IL23R: variants seen among roughly 807,000 people sequenced by gnomAD.
The protein encoded by IL23R is interleukin 23 receptor.
A neutral mutation model predicts 56.9 loss-of-function variants in IL23R; 34 were observed. The observed-to-expected ratio is 0.60, with a 90% CI of 0.45 to 0.80. The LOEUF (loss-of-function observed/expected upper bound fraction) is 0.80, where lower values mean the gene tolerates loss of function less well. Among genes scored for constraint, IL23R ranks in the 30% least tolerant of loss-of-function variants. The pLI is 0.00. For missense variants in IL23R, 635 were observed against 730.0 expected (o/e 0.87, Z 1.50); for synonymous variants, 230 against 249.2 (o/e 0.92, Z 0.73).
At chr1:67,223,189 G>A (rs556975365) in intron 7 of IL23R, among the ~76,000 whole-genome samples, 1 of 152,268 alleles carries the variant, frequency 6.6e-6, no homozygotes, top group Non-Finnish European at 1.5e-5. Context: ...GAGAGGCGGA[G>A]GTTGCAGTGA....
At chr1:67,196,127 A>G (rs1648129014) in intron 4 of IL23R, 1 of 152,376 alleles carries the variant, frequency 6.6e-6, no homozygotes, top group Admixed American at 6.5e-5. Context: ...TAGATTTAAA[A>G]AATCAGGTTA....
At chr1:67,248,879 C>T (rs1652426045) in intron 9 of IL23R, among the ~76,000 whole-genome samples, 1 of 152,138 alleles carries the variant, frequency 6.6e-6, no homozygotes, top group Non-Finnish European at 1.5e-5. Flanking sequence ...TGTTCCTCCC[C>T]GTACAGTCTG....
chr1:67,259,118 T>G lies in IL23R; in HGVS notation c.1880T>G (p.Leu627Trp). The G allele has an allele frequency of 6.2e-7, 1 of 1,613,852 alleles. No homozygotes were observed. Among genetic ancestry groups the G allele is most frequent in the Non-Finnish European group, 8.5e-7 (1 of 1,179,888 alleles). ...AGCCACTTCAATAGGATTTCACTCT[T>G]GGAAAAGTAGAGCTGTGTGGTCAAA... ...LESHFNRISL[L>W]EK The change falls in exon 11 of 11, where the codon TTG (leucine) becomes TGG (tryptophan). Residue 627 changes from leucine to tryptophan, a missense_variant. Coordinates refer to ENST00000347310, the MANE Select transcript of IL23R (RefSeq NM_144701.3).
chr1:67,195,694 T>G (rs1443564754), intron 4 of IL23R, among the ~76,000 whole-genome samples: 1 of 152,206 alleles, frequency 6.6e-6, no homozygotes, highest in African/African-American at 2.4e-5. Flanking sequence ...CTGAGCTGAA[T>G]AGGAGGAGTT....
the IL23R span, among the ~76,000 whole-genome samples, chr1:67,265,129 A>G: frequency 6.6e-6 from 1 of 152,242 alleles, no homozygotes; most frequent in Non-Finnish European, 1.5e-5. Context: ...TGAGGTACGG[A>G]AGTCAATAAA....
intron 5 of IL23R, among the ~76,000 whole-genome samples, chr1:67,202,042 C>A (rs553437389): frequency 5.9e-5 from 9 of 152,230 alleles, no homozygotes; most frequent in Admixed American, 2.6e-4. Flanking sequence ...TACCCTTGAG[C>A]CTTTTACAAC....
chr1:67,249,075 T>C (rs1321299021), intron 9 of IL23R, among the ~76,000 whole-genome samples: 1 of 152,212 alleles, frequency 6.6e-6, no homozygotes, highest in Non-Finnish European at 1.5e-5. Context: ...CGTTGATCTC[T>C]CTGGGAGCTG....
intron 4 of IL23R, among the ~76,000 whole-genome samples, chr1:67,197,770 C>A (rs574298524): frequency 6.6e-6 from 1 of 152,088 alleles, no homozygotes; most frequent in Admixed American, 6.5e-5. Flanking sequence ...GTGGCAAAAC[C>A]CTGTCTCTAC....
intron 3 of IL23R, among the ~76,000 whole-genome samples, chr1:67,173,682 T>C (rs1017899698): frequency 7.9e-5 from 12 of 152,172 alleles, no homozygotes; most frequent in African/African-American, 2.9e-4. Flanking sequence ...AAAAGGATAT[T>C]AGACCTTCGA....
At chr1:67,144,695 A>G (rs1646665003) in intron 1 of IL23R, among the ~76,000 whole-genome samples, 1 of 152,278 alleles carries the variant, frequency 6.6e-6, no homozygotes, top group African/African-American at 2.4e-5. Context: ...GGTTGTAACT[A>G]TGTGGGCTCT....
Position 67,141,022 on chromosome 1 carries a change from C to G in IL23R, c.-634+1861C>G, listed in dbSNP as rs139232143. Among the ~76,000 whole-genome samples, 683 of 152,124 alleles carry G rather than the reference C, an allele frequency of 4.5e-3. 3 individuals carry two copies. The highest frequency in any genetic ancestry group is 0.015 in the African/African-American group (640 of 41,482). On this transcript the variant is annotated intron_variant, in intron 1 of 10. Coordinates refer to the IL23R transcript ENST00000637002. ...TAGATTTTCTTGTCAAAATTTTTGT[C>G]TAGCCATAGGATGATAAATATGATG... is the stretch of plus-strand genomic sequence containing the variant.
At chr1:67,201,030 T>C in intron 5 of IL23R, 133 bp downstream of exon 5, 2 of 855,304 alleles carry the variant, frequency 2.3e-6, no homozygotes, top group Non-Finnish European at 3.7e-6. Flanking sequence ...AAATTACCCA[T>C]AATTCTACCT....
intron 7 of IL23R, among the ~76,000 whole-genome samples, chr1:67,230,502 A>G (rs2100286030): frequency 6.6e-6 from 1 of 152,030 alleles, no homozygotes; most frequent in South Asian, 2.1e-4. Flanking sequence ...CTTGTCATTT[A>G]GGAAAATTTC....
chr1:67,227,958 CTT>C (rs869223335), intron 7 of IL23R, among the ~76,000 whole-genome samples: 4 of 35,946 alleles, frequency 1.1e-4, no homozygotes, highest in African/African-American at 2.8e-4. Flanking sequence ...TTCTTTCTTT[CTT>C]TCTTTCTTTC....
the IL23R span, among the ~76,000 whole-genome samples, chr1:67,265,290 G>T: frequency 1.3e-5 from 2 of 152,120 alleles, no homozygotes; most frequent in African/African-American, 4.8e-5. Context: ...AAAATCAAAG[G>T]AATACCAGTG....
intron 5 of IL23R, among the ~76,000 whole-genome samples, chr1:67,205,233 G>A (rs2902440): frequency 0.37 from 56,300 of 151,974 alleles, 11,398 homozygotes; most frequent in Admixed American, 0.5. Context: ...TTTTATTAGA[G>A]GACTGTGTTA....
intron 1 of IL23R, among the ~76,000 whole-genome samples, chr1:67,155,769 C>A (rs999964616): frequency 6.6e-6 from 1 of 152,124 alleles, no homozygotes; most frequent in Non-Finnish European, 1.5e-5. Context: ...TGTTATTATC[C>A]ACCTTCTAAA....
downstream of IL23R, among the ~76,000 whole-genome samples, chr1:67,264,598 C>A (rs1286945027): frequency 1.3e-5 from 2 of 152,136 alleles, no homozygotes; most frequent in African/African-American, 2.4e-5. Flanking sequence ...GTAGTTAAGA[C>A]AAAATTACAA....
chr1:67,157,085 G>A (rs768832277), intron 1 of IL23R, among the ~76,000 whole-genome samples: 2 of 152,064 alleles, frequency 1.3e-5, no homozygotes, highest in African/African-American at 2.4e-5. Context: ...CAGTTGAAGC[G>A]ACGCCCCACC....
Sources: allele counts gnomAD v4.1 joint callset (sites outside exome capture counted in the v4.1 genomes callset), GRCh38; gene constraint gnomAD v4.1.1; transcripts MANE v1.5; gene names NCBI Gene and HGNC (gene_info 2026-07-23, HGNC 2026-07-21).